FBXW2: variants seen among roughly 807,000 people sequenced by gnomAD.
FBXW2 encodes the protein F-box/WD repeat-containing protein 2.
In FBXW2, 12 loss-of-function variants were observed where a neutral mutation model predicts 46.0. The observed-to-expected ratio is 0.26, with a 90% CI of 0.17 to 0.42. The LOEUF is 0.42. Ranked by LOEUF, FBXW2 falls within the 10% of genes least tolerant of loss-of-function variation. FBXW2 has a pLI of 1.00. For synonymous variants in FBXW2, 203 were observed against 209.6 expected, an observed-to-expected ratio of 0.97 and a Z score of 0.27; for missense variants, 360 against 537.0, an observed-to-expected ratio of 0.67 and a Z score of 3.26.
chr9:120,772,960 T>G, intron 5 of FBXW2, 120 bp from the exon 6 acceptor site: 1 of 686,128 alleles, frequency 1.5e-6, no homozygotes, highest in African/African-American at 1.8e-5. Context: ...AAGCCATAAC[T>G]CCATTACCAA....
Position 120,764,763 on chromosome 9 carries a change from C to T in FBXW2, c.1161G>A (p.Leu387=). ...IFALLFDNRY[L]YIMDLRTESL... is the part of the protein sequence containing the mutation. Reference sequence around the variant, plus strand: ...TCTCTGTCCGCAAGTCCATGATGTACAGGTAGCGGTTGTCAAACAGCAGGG... The same window carrying T: ...TCTCTGTCCGCAAGTCCATGATGTATAGGTAGCGGTTGTCAAACAGCAGGG... The change falls in exon 8 of 8, where the codon CTG becomes CTA. Residue 387 remains leucine, a synonymous_variant. Coordinates refer to ENST00000608872, the MANE Select transcript of FBXW2 (RefSeq NM_012164.4). The T allele has an allele frequency of 6.2e-7, 1 of 1,614,004 alleles. No homozygotes were observed. Among genetic ancestry groups the T allele is most frequent in the African/African-American group, 1.3e-5 (1 of 75,020 alleles).
intron 5 of FBXW2, 46 bp from the exon 6 acceptor site, chr9:120,772,886 C>A: frequency 7.9e-7 from 1 of 1,258,252 alleles, no homozygotes; most frequent in Non-Finnish European, 1.1e-6. Flanking sequence ...TAATGCTGCT[C>A]CTATAATGAT....
At chr9:120,782,088 T>C (rs112672470) in intron 3 of FBXW2, among the ~76,000 whole-genome samples, 6 of 151,388 alleles carry the variant, frequency 4.0e-5, no homozygotes, top group African/African-American at 1.2e-4. Flanking sequence ...GAAGACATCA[T>C]GCTAAGTGAA....
chr9:120,763,069 A>C lies in FBXW2; in HGVS notation c.*1490T>G, dbSNP rs765669187. The C allele has an allele frequency of 6.6e-6, 1 of 152,116 alleles. No individual in the cohort carries two copies. The highest frequency in any genetic ancestry group is 1.5e-5 in the Non-Finnish European group (1 of 68,030). The allele number at this position is 152,116 out of a possible 1,614,324, so 9.4% of individuals were successfully genotyped here. A position where few individuals can be genotyped will look rare whatever the true frequency, so the allele number is the denominator to read the frequency against. On this transcript the variant is annotated 3_prime_UTR_variant, in exon 8 of 8. Transcript: ENST00000608872. The stretch of plus-strand genomic sequence containing the variant: ...GTTTTGTTTGGCTCACCTTATTTCA[A>C]ATTTTCTTTAATCAGTTGTAACGTT...
chr9:120,775,619 AT>A (rs1370325614), intron 5 of FBXW2, among the ~76,000 whole-genome samples: 2 of 152,182 alleles, frequency 1.3e-5, no homozygotes, highest in Non-Finnish European at 2.9e-5. Context: ...AAAAGAAAAC[AT>A]TACAATATTT....
chr9:120,768,937 C>CA (rs2044323419), intron 7 of FBXW2, among the ~76,000 whole-genome samples: 1 of 152,166 alleles, frequency 6.6e-6, no homozygotes, highest in Non-Finnish European at 1.5e-5. Flanking sequence ...GGTTAGGGCT[C>CA]AAGATCTGTG....
intron 3 of FBXW2, among the ~76,000 whole-genome samples, chr9:120,783,870 TAA>T (rs2044666320): frequency 6.6e-6 from 1 of 152,210 alleles, no homozygotes; most frequent in Admixed American, 6.5e-5. Flanking sequence ...ATCTCTTCAA[TAA>T]AACTGTCTAT....
rs1162396710 is a variant in FBXW2 at position 120,759,972 on chromosome 9, T to C, written c.*4587A>G. 6.6e-6 allele frequency: 1 copy of C among 152,270 alleles called. No individual in the cohort carries two copies. The highest frequency in any genetic ancestry group is 1.9e-4 in the East Asian group (1 of 5,204). 9.4% of individuals were successfully genotyped at this position (152,270 alleles called of 1,614,324 possible). On this transcript the variant is annotated 3_prime_UTR_variant, in exon 8 of 8. Coordinates refer to ENST00000608872, the MANE Select transcript of FBXW2 (RefSeq NM_012164.4). ...AGGATTTATTCTGAAAAAAGTTTAC[T>C]TTCCTAGAGCAGGCATGGGGAACCT...
At chr9:120,792,940 TA>T (rs1564466943) in intron 2 of FBXW2, 25 of 1,532,662 alleles carry the variant, frequency 1.6e-5, no homozygotes, top group Non-Finnish European at 2.2e-5. Flanking sequence ...TTGTACTTCA[TA>T]AACCACCTCA....
chr9:120,784,836 G>A (rs912074120), intron 3 of FBXW2, among the ~76,000 whole-genome samples: 4 of 150,020 alleles, frequency 2.7e-5, no homozygotes, highest in Admixed American at 2.0e-4. Flanking sequence ...CGAGAGAATC[G>A]CTTGAACCCA....
At chr9:120,781,635 T>TATACACAC (rs372005960) in intron 3 of FBXW2, among the ~76,000 whole-genome samples, 4 of 43,548 alleles carry the variant, frequency 9.2e-5, no homozygotes, top group South Asian at 2.8e-3. Flanking sequence ...TTTATATACA[T>TATACACAC]ACACACACAC....
intron 4 of FBXW2, chr9:120,776,483 A>G: frequency 2.5e-6 from 1 of 402,106 alleles, no homozygotes; most frequent in Non-Finnish European, 4.5e-6. Flanking sequence ...GAGGCAAAAC[A>G]AATGTTGGAG....
Position 120,793,136 on chromosome 9 carries a change from G to A in FBXW2, c.-21+13C>T, listed in dbSNP as rs904879252. The stretch of plus-strand genomic sequence containing the variant: ...TCCCTTGCTCTCGGAATCGTGTTCC[G>A]CGCGGCACTGACCTGAGCGAGCGCC... On this transcript the variant is annotated intron_variant, in intron 2 of 7. Transcript: ENST00000608872. The A allele has an allele frequency of 3.1e-6, 2 of 655,056 alleles. No homozygotes were observed. The highest frequency in any genetic ancestry group is 3.6e-5 in the South Asian group (2 of 54,836). 40.6% of individuals were successfully genotyped at this position (655,056 alleles called of 1,614,324 possible).
chr9:120,776,569 C>T (rs2044501241), intron 4 of FBXW2: 1 of 200,746 alleles, frequency 5.0e-6, no homozygotes, highest in Non-Finnish European at 1.0e-5. Flanking sequence ...GAAAACAAAA[C>T]GTACATGGTC....
In FBXW2 at chr9:120,793,254, G is replaced by A. The variant is rs1486729192; in HGVS notation, c.-126C>T. 2 of 468,382 alleles carry A rather than the reference G, an allele frequency of 4.3e-6. No individual in the cohort carries two copies. Among genetic ancestry groups the A allele is most frequent in the Admixed American group, 4.0e-5 (1 of 24,746 alleles). The allele number at this position is 468,382 out of a possible 1,614,324, so 29.0% of individuals were successfully genotyped here. On this transcript the variant is annotated 5_prime_UTR_variant, in exon 2 of 8. Transcript: ENST00000608872. ...CGGCCGGGTCCGCTCCGCAGCCATG[G>A]CGCCTGCAGGGAAAGAAAAACAGCC...
At chr9:120,790,974 T>A (rs2044827674) in intron 2 of FBXW2, among the ~76,000 whole-genome samples, 1 of 152,256 alleles carries the variant, frequency 6.6e-6, no homozygotes. Flanking sequence ...ACTCTTAGAT[T>A]GCCTTTTAAA....
intron 2 of FBXW2, among the ~76,000 whole-genome samples, chr9:120,791,429 T>C (rs1354449980): frequency 6.6e-6 from 1 of 152,202 alleles, no homozygotes; most frequent in Non-Finnish European, 1.5e-5. Flanking sequence ...TATGGGCATG[T>C]CCAACTAACT....
intron 5 of FBXW2, among the ~76,000 whole-genome samples, chr9:120,773,628 G>A (rs985527221): frequency 5.3e-5 from 8 of 152,188 alleles, no homozygotes; most frequent in African/African-American, 1.7e-4. Context: ...CAATCAATCA[G>A]GCTAAGGTGA....
At chr9:120,792,872 A>T (rs777061305) in intron 2 of FBXW2, 30 of 1,507,452 alleles carry the variant, frequency 2.0e-5, no homozygotes, top group Non-Finnish European at 2.6e-5. Flanking sequence ...TTCAAGCAGC[A>T]CCCCACATAC....
Sources: allele counts gnomAD v4.1 joint callset (sites outside exome capture counted in the v4.1 genomes callset), GRCh38; gene constraint gnomAD v4.1.1; transcripts MANE v1.5; gene names NCBI Gene and HGNC (gene_info 2026-07-23, HGNC 2026-07-21).